RILPL1: variants seen among roughly 807,000 people sequenced by gnomAD.
RILPL1 encodes the protein Rab interacting lysosomal protein like 1.
Under a neutral mutation model 50.3 loss-of-function variants are expected in RILPL1, and 33 were observed. The ratio of observed to expected loss-of-function variants is 0.66; its 90% CI spans 0.50 to 0.88. The LOEUF (loss-of-function observed/expected upper bound fraction) is 0.88, where lower values mean the gene tolerates loss of function less well. Ranked by LOEUF, RILPL1 falls within the 40% of genes least tolerant of loss-of-function variation. The pLI, the probability that RILPL1 is intolerant of heterozygous loss-of-function variation, is 0.00. For missense variants in RILPL1, 418 were observed against 542.5 expected (o/e 0.77, Z 2.28); for synonymous variants, 205 against 228.6 (o/e 0.90, Z 0.93).
chr12:123,485,618 C>T lies in RILPL1; in HGVS notation c.974+15G>A. 2 of 1,612,912 alleles carry T rather than the reference C, an allele frequency of 1.2e-6. No homozygotes were observed. The highest frequency in any genetic ancestry group is 8.5e-7 in the Non-Finnish European group (1 of 1,179,410). ...AAGGAGCCAGCTCGGGCCATCCAGC[C>T]CCAGGGACACTTGCCTCTTATAGTA... On this transcript the variant is annotated intron_variant, in intron 5 of 6. Coordinates refer to ENST00000376874, the MANE Select transcript of RILPL1 (RefSeq NM_178314.5). The surrounding 1 kb of genome is among the most constrained non-coding windows in gnomAD (Gnocchi z 4.0).
chr12:123,484,913 C>A, intron 5 of RILPL1: 1 of 273,154 alleles, frequency 3.7e-6, no homozygotes, highest in South Asian at 3.7e-5. Context: ...CCTGCCTCGG[C>A]CTCGCAAAGT....
chr12:123,518,557 A>G (rs1289655365), intron 2 of RILPL1, among the ~76,000 whole-genome samples: 2 of 151,950 alleles, frequency 1.3e-5, no homozygotes, highest in Non-Finnish European at 2.9e-5. Context: ...TGTAAAATGT[A>G]CGTTAGATTT....
chr12:123,496,964 G>A (rs557772510), intron 4 of RILPL1, among the ~76,000 whole-genome samples: 2 of 152,128 alleles, frequency 1.3e-5, no homozygotes, highest in Admixed American at 1.3e-4. Flanking sequence ...CCCTCCCCCA[G>A]CCCCATTCGG....
chr12:123,521,665 A>ATC, intron 2 of RILPL1, among the ~76,000 whole-genome samples: 1 of 7,198 alleles, frequency 1.4e-4, no homozygotes, highest in African/African-American at 2.8e-4. Flanking sequence ...ATATATGTAT[A>ATC]TATATAAATA....
Position 123,485,694 on chromosome 12 carries a change from C to T in RILPL1, c.913G>A (p.Glu305Lys), listed in dbSNP as rs947813611. 10 of 1,613,634 alleles carry T rather than the reference C, an allele frequency of 6.2e-6. No homozygotes were observed. The highest frequency in any genetic ancestry group is 2.2e-5 in the East Asian group (1 of 44,868). The change falls in exon 5 of 7, where the codon GAG becomes AAG. Residue 305 changes from glutamate to lysine, a missense_variant. Physicochemically the swap from Glu to Lys is moderately conservative, Grantham distance 56. Coordinates refer to ENST00000376874, the MANE Select transcript of RILPL1 (RefSeq NM_178314.5). The surrounding 1 kb of genome is among the most constrained non-coding windows in gnomAD (Gnocchi z 4.0). ...TLQELRDVLH[E>K]RNELKSKVFL... The stretch of plus-strand genomic sequence containing the variant: ...ACCTTGGACTTGAGCTCGTTCCTCT[C>T]GTGCAGCACGTCCCGCAGCTCCTGC...
At chr12:123,519,441 C>G (rs1432789985) in intron 2 of RILPL1, 1 of 152,208 alleles carries the variant, frequency 6.6e-6, no homozygotes, top group Non-Finnish European at 1.5e-5. Flanking sequence ...CAGGAGCCTG[C>G]CAGGTGCCTC....
At chr12:123,494,189 T>A (rs1882882855) in intron 4 of RILPL1, among the ~76,000 whole-genome samples, 2 of 152,158 alleles carry the variant, frequency 1.3e-5, no homozygotes, top group South Asian at 4.1e-4. Flanking sequence ...TTCCCCTCAC[T>A]TGTCAGATGA....
At position 123,472,364 on chromosome 12, in the gene RILPL1, G is replaced by T; in HGVS notation, c.*174C>A. 1.6e-6 allele frequency: 1 copy of T among 631,706 alleles called. No homozygotes were observed. Among genetic ancestry groups the T allele is most frequent in the Non-Finnish European group, 2.7e-6 (1 of 367,890 alleles). The allele number at this position is 631,706 out of a possible 1,614,324, so 39.1% of individuals were successfully genotyped here. ...GGGTATAAATAAACATTTCTTTAGA[G>T]TTTGGCGTCAGTTTTTCAATGTCCA... On this transcript the variant is annotated 3_prime_UTR_variant, in exon 7 of 7. Transcript: ENST00000376874.
chr12:123,478,157 C>T (rs1205172435), intron 6 of RILPL1, among the ~76,000 whole-genome samples: 2 of 151,694 alleles, frequency 1.3e-5, no homozygotes, highest in East Asian at 1.9e-4. Flanking sequence ...CCACCATGCC[C>T]GGCCAATTAA....
Position 123,523,400 on chromosome 12 carries a change from G to A in RILPL1, c.460+95C>T, listed in dbSNP as rs148968295. On this transcript the variant is annotated intron_variant, in intron 2 of 6. Coordinates refer to ENST00000376874, the MANE Select transcript of RILPL1 (RefSeq NM_178314.5). ...AGGGCTTTGGGAATCAGCCAGCACCGCATCAGCGTCCAGGGGTGGTGGCGA... is the reference window on the plus strand; with the variant it reads ...AGGGCTTTGGGAATCAGCCAGCACCACATCAGCGTCCAGGGGTGGTGGCGA... The A allele has an allele frequency of 1.0e-4, 148 of 1,423,150 alleles. 1 individual carries two copies. The Middle Eastern group carries it at 3.7e-3, about 35-fold the overall frequency. 88.2% of individuals were successfully genotyped at this position (1,423,150 alleles called of 1,614,324 possible).
At chr12:123,473,110 T>C (rs1287606426) in intron 6 of RILPL1, 1 of 180,980 alleles carries the variant, frequency 5.5e-6, no homozygotes, top group East Asian at 1.4e-4. Context: ...ATTTCTAATT[T>C]AAATAGTTCT....
chr12:123,488,884 T>C (rs1370631685), intron 4 of RILPL1, among the ~76,000 whole-genome samples: 2 of 152,124 alleles, frequency 1.3e-5, no homozygotes, highest in African/African-American at 4.8e-5. Context: ...CCAAAGAAAG[T>C]ATTCTAGGCG....
intron 2 of RILPL1, chr12:123,518,377 C>A (rs1884829123): frequency 4.8e-6 from 2 of 414,764 alleles, no homozygotes; most frequent in South Asian, 3.4e-5. Flanking sequence ...CGTGGTGGTG[C>A]ACACCTGTCA....
chr12:123,492,035 A>T (rs897803742), intron 4 of RILPL1, among the ~76,000 whole-genome samples: 4 of 151,766 alleles, frequency 2.6e-5, no homozygotes, highest in Non-Finnish European at 5.9e-5. Flanking sequence ...AAATAAAATA[A>T]AATAGAGGCA....
At chr12:123,480,043 A>G (rs1469648859) in intron 6 of RILPL1, among the ~76,000 whole-genome samples, 1 of 152,152 alleles carries the variant, frequency 6.6e-6, no homozygotes, top group Non-Finnish European at 1.5e-5. Flanking sequence ...AGAAAATTAC[A>G]GTTAGAAAAA....
Position 123,489,382 on chromosome 12 carries a change from C to T in RILPL1, c.802-3577G>A, listed in dbSNP as rs539865037. On this transcript the variant is annotated intron_variant, in intron 4 of 6. Transcript: ENST00000376874. The surrounding 1 kb of genome is among the most constrained non-coding windows in gnomAD (Gnocchi z 4.0). ...ACTGAAAATACAAAAATTAGCTGGG[C>T]GGCCAGGCACAGTGGCTCACGCCTG... Among the ~76,000 whole-genome samples, 9 of 151,882 alleles carry T rather than the reference C, an allele frequency of 5.9e-5. No homozygotes were observed. The highest frequency in any genetic ancestry group is 8.8e-5 in the Non-Finnish European group (6 of 67,944).
rs373514624 is a variant in RILPL1 at position 123,503,186 on chromosome 12, CTTTTTTTTTTTT to C, written c.461-3662_461-3651del. Among the ~76,000 whole-genome samples, 310 of 80,674 alleles carry C rather than the reference CTTTTTTTTTTTT, an allele frequency of 3.8e-3. 1 individual carries two copies. The highest frequency in any genetic ancestry group is 0.015 in the African/African-American group (261 of 17,912). The allele number at this position is 80,674 out of a possible 152,430, so 52.9% of individuals were successfully genotyped here. A position where few individuals can be genotyped will look rare whatever the true frequency, so the allele number is the denominator to read the frequency against. On this transcript the variant is annotated intron_variant, in intron 2 of 6. Coordinates refer to ENST00000376874, the MANE Select transcript of RILPL1 (RefSeq NM_178314.5). ...ACAGGCGTGAACCACCACGCCTGGC[CTTTTTTTTTTTT>C]TTTTTTTTTTTTTTTTTTTTGAGAC...
chr12:123,509,993 C>T (rs961236117), intron 2 of RILPL1, among the ~76,000 whole-genome samples: 39 of 152,188 alleles, frequency 2.6e-4, no homozygotes, highest in African/African-American at 9.4e-4. Context: ...CAGGGGCTCC[C>T]GATGAGGAAG....
intron 6 of RILPL1, among the ~76,000 whole-genome samples, chr12:123,480,898 C>T (rs1881938295): frequency 6.6e-6 from 1 of 152,142 alleles, no homozygotes; most frequent in South Asian, 2.1e-4. Context: ...GGTAAAAGTG[C>T]TCTGAGCGTC....
Sources: gnomAD v4.1 joint callset for allele counts (sites outside exome capture counted in the v4.1 genomes callset) on GRCh38, gnomAD v4.1.1 for gene constraint, Gnocchi (gnomAD v3.1) non-coding constraint, MANE v1.5 for transcripts, NCBI Gene and HGNC (gene_info 2026-07-23, HGNC 2026-07-21) for gene names.